Variants in GIT1 observed in about 807,000 individuals in gnomAD.
The protein encoded by GIT1 is ARF GTPase-activating protein GIT1.
A neutral mutation model predicts 91.7 loss-of-function variants in GIT1; 14 were observed. The observed-to-expected ratio is 0.15, with a 90% confidence interval of 0.10 to 0.24. GIT1 has a LOEUF of 0.24. Ranked by LOEUF, GIT1 falls within the 10% of genes least tolerant of loss-of-function variation. The probability of loss-of-function intolerance (pLI) is 1.00; values close to 1 mark genes in which losing one functional copy is unlikely to be tolerated. For synonymous variants in GIT1, 414 were observed against 418.2 expected, an observed-to-expected ratio of 0.99 and a Z score of 0.12; for missense variants, 717 against 1,024.9, an observed-to-expected ratio of 0.70 and a Z score of 4.10.
At chr17:29,579,082 G>T (rs966601509) in intron 7 of GIT1, 11 of 1,105,836 alleles carry the variant, frequency 9.9e-6, no homozygotes, top group Non-Finnish European at 1.5e-5. Flanking sequence ...ATCAGGCCCA[G>T]ACCCATCTCC....
chr17:29,589,367 C>T lies in GIT1; in HGVS notation c.12G>A (p.Lys4=). Residue 4 remains lysine (K), a synonymous_variant, in exon 1 of 20, where the codon AAG becomes AAA. Coordinates refer to ENST00000225394, the MANE Select transcript of GIT1 (RefSeq NM_014030.4). The surrounding 1 kb of genome is among the most constrained non-coding windows in gnomAD (Gnocchi z 5.2). ...CCGCACACACCTCCGCTCGCGGCCC[C>T]TTTCGGGACATCCTCAGCGGCGACG... is the stretch of plus-strand genomic sequence containing the variant. The part of the protein sequence containing the change: MSR[K]GPRAEVCADC... 2 of 1,083,100 alleles carry T rather than the reference C, an allele frequency of 1.8e-6. No individual in the cohort carries two copies. Among genetic ancestry groups the T allele is most frequent in the South Asian group, 2.5e-5 (1 of 39,948 alleles). 67.1% of individuals were successfully genotyped at this position (1,083,100 alleles called of 1,614,324 possible).
chr17:29,579,273 T>C (rs994537183), intron 7 of GIT1: 45 of 499,226 alleles, frequency 9.0e-5, no homozygotes, highest in Middle Eastern at 5.2e-4. Context: ...GGTTCCTCAA[T>C]CACCTGTTGC....
At chr17:29,586,379 T>C (rs2033594685) in intron 1 of GIT1, among the ~76,000 whole-genome samples, 1 of 152,202 alleles carries the variant, frequency 6.6e-6, no homozygotes. Flanking sequence ...ATTTTAGGTG[T>C]GGCCCAAGAA....
At chr17:29,577,505 C>G (rs533816518) in intron 10 of GIT1, 140 bp downstream of exon 10, 32 of 721,014 alleles carry the variant, frequency 4.4e-5, no homozygotes, top group African/African-American at 3.5e-4. Flanking sequence ...CTGACCTTCC[C>G]AAATCCCAGT....
chr17:29,579,899 TG>T (rs2033340906), intron 7 of GIT1, among the ~76,000 whole-genome samples: 1 of 152,096 alleles, frequency 6.6e-6, no homozygotes, highest in Admixed American at 6.6e-5. Flanking sequence ...CTTCTGTGCC[TG>T]GAACTCTCCG....
At position 29,575,276 on chromosome 17, in the gene GIT1, T is replaced by A; in HGVS notation, c.2009+12A>T. ...GAACTGCATCCCCCTCACCTCCCCCTCCACTCAGTACCTGTCATGCTTGAA... is the reference window on the plus strand; with the variant it reads ...GAACTGCATCCCCCTCACCTCCCCCACCACTCAGTACCTGTCATGCTTGAA... On this transcript the variant is annotated intron_variant, in intron 18 of 19. Coordinates refer to ENST00000225394, the MANE Select transcript of GIT1 (RefSeq NM_014030.4). This position sits in a 1 kb window ranked among gnomAD's most constrained non-coding sequence, Gnocchi z 5.5. The A allele has an allele frequency of 6.2e-7, 1 of 1,602,590 alleles. No individual in the cohort carries two copies. Among genetic ancestry groups the A allele is most frequent in the South Asian group, 1.1e-5 (1 of 90,064 alleles).
chr17:29,578,586 A>G, intron 8 of GIT1, 145 bp downstream of exon 8: 1 of 866,830 alleles, frequency 1.2e-6, no homozygotes. Flanking sequence ...GAGGTCAGGG[A>G]GAGGGGACTG....
At position 29,575,122 on chromosome 17, in the gene GIT1, T is replaced by G; in HGVS notation, c.2030A>C (p.Lys677Thr). 1 of 1,599,904 alleles carries G rather than the reference T, an allele frequency of 6.3e-7. No homozygotes were observed. Among genetic ancestry groups the G allele is most frequent in the Non-Finnish European group, 8.6e-7 (1 of 1,169,394 alleles). The change falls in exon 19 of 20, where the codon AAG becomes ACG. Residue 677 changes from lysine (K) to threonine (T), a missense_variant. This residue lies in a region of GIT1 where 134 missense variants were observed against 223.8 expected (regional missense o/e 0.60). Transcript: ENST00000225394. This position sits in a 1 kb window ranked among gnomAD's most constrained non-coding sequence, Gnocchi z 5.5. ...CATCTCGGTCACAGCCAAATGGATC[T>G]TCTCTGAGCAGGGCACGAAGCTGCG... ...KHDSFVPCSE[K>T]IHLAVTEMAS...
chr17:29,576,268 G>GC lies in GIT1; in HGVS notation c.1562dup (p.Gly524TrpfsTer15). 1.2e-6 allele frequency: 2 copies of GC among 1,610,298 alleles called. No homozygotes were observed. The highest frequency in any genetic ancestry group is 1.7e-6 in the Non-Finnish European group (2 of 1,177,848). On this transcript the variant is annotated frameshift_variant, in exon 14 of 20. Transcript: ENST00000225394. LOFTEE classifies it high-confidence loss of function. ...GCGTAGTGAGCTCGTCCCCAGGGGG[G>GC]CCCCCAAAGGGCTTCAGGGCAGAGC...
chr17:29,589,068 C>T lies in GIT1; in HGVS notation c.52+259G>A, dbSNP rs1283938556. Among the ~76,000 whole-genome samples, 1 of 152,210 alleles carries T rather than the reference C, an allele frequency of 6.6e-6. No homozygotes were observed. Among genetic ancestry groups the T allele is most frequent in the African/African-American group, 2.4e-5 (1 of 41,470 alleles). On this transcript the variant is annotated intron_variant, in intron 1 of 19. Transcript: ENST00000225394. This position sits in a 1 kb window ranked among gnomAD's most constrained non-coding sequence, Gnocchi z 5.2. ...GAGGAGCAGCCAGCTGCCCGCCTCCCTCAGACCGAGGAGCGGGAGGCGGCG... is the reference window on the plus strand; with the variant it reads ...GAGGAGCAGCCAGCTGCCCGCCTCCTTCAGACCGAGGAGCGGGAGGCGGCG...
chr17:29,581,438 G>A lies in GIT1; in HGVS notation c.719-58C>T. ...TAGTGCTGGGTGGCCTCAGCAGCTG[G>A]GAGCCCACCTCACTGCCATGAGCAG... On this transcript the variant is annotated intron_variant, in intron 6 of 19. Transcript: ENST00000225394. This position sits in a 1 kb window ranked among gnomAD's most constrained non-coding sequence, Gnocchi z 4.8. 1.5e-6 allele frequency: 2 copies of A among 1,327,978 alleles called. No homozygotes were observed. Among genetic ancestry groups the A allele is most frequent in the Non-Finnish European group, 2.2e-6 (2 of 919,834 alleles). 82.3% of individuals were successfully genotyped at this position (1,327,978 alleles called of 1,614,324 possible).
At chr17:29,578,193 A>G (rs968491266) in intron 9 of GIT1, 106 bp downstream of exon 9, 41 of 925,450 alleles carry the variant, frequency 4.4e-5, no homozygotes, top group Non-Finnish European at 2.1e-5. Context: ...CAGGCCTCTG[A>G]GCAGCCCCAA....
At chr17:29,577,312 G>T in intron 10 of GIT1, 65 bp from the exon 11 acceptor site, 1 of 1,210,864 alleles carries the variant, frequency 8.3e-7, no homozygotes. Flanking sequence ...GGACGGCAGG[G>T]ACCAAGTAGC....
In GIT1 at chr17:29,577,079, A is replaced by G. The variant is rs542646666; in HGVS notation, c.1093+57T>C. 117 of 1,607,174 alleles carry G rather than the reference A, an allele frequency of 7.3e-5. No individual in the cohort carries two copies. In the South Asian group the frequency reaches 1.2e-3, roughly 16 times the overall value. On this transcript the variant is annotated intron_variant, in intron 11 of 19. Transcript: ENST00000225394. ...TCACCACTGGCAGGGAGAGCCATGCAGGAAAGACCCCTGGAGCCCCGCCTG... is the reference window on the plus strand; with the variant it reads ...TCACCACTGGCAGGGAGAGCCATGCGGGAAAGACCCCTGGAGCCCCGCCTG...
chr17:29,583,488 G>A lies in GIT1; in HGVS notation c.181C>T (p.Leu61=). 2 of 1,612,036 alleles carry A rather than the reference G, an allele frequency of 1.2e-6. No individual in the cohort carries two copies. The highest frequency in any genetic ancestry group is 1.7e-6 in the Non-Finnish European group (2 of 1,179,894). Reference sequence around the variant, plus strand: ...CACCCGACTGAGCCCTGTACCTGCAGCAGCGTGGGAGGCCAGGCGCTGTGG... The same window carrying A: ...CACCCGACTGAGCCCTGTACCTGCAACAGCGTGGGAGGCCAGGCGCTGTGG... The part of the protein sequence containing the change: ...LRHSAWPPTL[L]QMVHTLASNG... The change falls in exon 2 of 20, where the codon CTG becomes TTG. Residue 61 remains leucine (L), a synonymous_variant. Transcript: ENST00000225394.
chr17:29,587,356 C>G (rs982301392), intron 1 of GIT1, among the ~76,000 whole-genome samples: 2 of 152,190 alleles, frequency 1.3e-5, no homozygotes, highest in Non-Finnish European at 2.9e-5. Flanking sequence ...TCGCTGGGTG[C>G]TAGGTGGGCT....
intron 9 of GIT1, 72 bp from the exon 10 acceptor site, chr17:29,577,814 GC>G: frequency 1.1e-6 from 1 of 919,748 alleles, no homozygotes; most frequent in Non-Finnish European, 1.8e-6. Context: ...GAAGCACTGA[GC>G]CCAGCCTTCC....
In GIT1 at chr17:29,576,595, G is replaced by A. The variant is rs2033212608; in HGVS notation, c.1307C>T (p.Ser436Leu). Reference sequence around the variant, plus strand: ...CATGAGCTGCTGCACCTTTGCCTCCGATGTAGCCAGGGCCTTCTTCAGCTC... The same window carrying A: ...CATGAGCTGCTGCACCTTTGCCTCCAATGTAGCCAGGGCCTTCTTCAGCTC... ...YLELKKALAT[S>L]EAKVQQLMKV... Residue 436 changes from serine (S) to leucine (L), a missense_variant, in exon 13 of 20, where the codon TCG (serine) becomes TTG (leucine). Around this residue, in one of 3 missense-constraint regions of GIT1, gnomAD observed 312 missense variants for 349.5 expected, o/e 0.89. Transcript: ENST00000225394. The A allele has an allele frequency of 6.2e-7, 1 of 1,614,074 alleles. No homozygotes were observed. Among genetic ancestry groups the A allele is most frequent in the East Asian group, 2.2e-5 (1 of 44,882 alleles).
In GIT1 at chr17:29,579,325, G is replaced by C. The variant is rs556626416; in HGVS notation, c.762-546C>G. 45 of 390,028 alleles carry C rather than the reference G, an allele frequency of 1.2e-4. 1 individual carries two copies. The South Asian group carries it at 1.4e-3, about 12-fold the overall frequency. The allele number at this position is 390,028 out of a possible 1,614,324, so 24.2% of individuals were successfully genotyped here. On this transcript the variant is annotated intron_variant, in intron 7 of 19. Transcript: ENST00000225394. ...TCTTAATCTCCCTCCTTCTAGTTTT[G>C]TCCCTACAATCCTGTTCCACCCAGC...
Sources: gnomAD v4.1 joint callset for allele counts (sites outside exome capture counted in the v4.1 genomes callset) on GRCh38, gnomAD v4.1.1 for gene constraint, gnomAD v4.1.1 regional missense constraint, Gnocchi (gnomAD v3.1) non-coding constraint, MANE v1.5 for transcripts, NCBI Gene and HGNC (gene_info 2026-07-23, HGNC 2026-07-21) for gene names.